The following LONP1 variants were observed in gnomAD, a reference collection of about 807,000 sequenced individuals.
The protein encoded by LONP1 is lon peptidase 1, mitochondrial, also known as lon protease homolog, mitochondrial.
A neutral mutation model predicts 98.5 loss-of-function variants in LONP1; 31 were observed. That is an observed-to-expected ratio of 0.31 (90% CI 0.24 to 0.42). LONP1 has a LOEUF of 0.42. Among genes scored for constraint, LONP1 ranks in the 20% least tolerant of loss-of-function variants. The pLI, the probability that LONP1 is intolerant of heterozygous loss-of-function variation, is 1.00. For synonymous variants in LONP1, 781 were observed against 594.7 expected (o/e 1.31, Z -4.56); for missense variants, 1,336 against 1,350.6 (o/e 0.99, Z 0.17).
chr19:5,702,293 C>A (rs1357616470), intron 8 of LONP1, among the ~76,000 whole-genome samples: 1 of 141,254 alleles, frequency 7.1e-6, no homozygotes, highest in Admixed American at 7.2e-5. Flanking sequence ...CTGCCCCATC[C>A]GGGAGGGAGG....
Position 5,705,903 on chromosome 19 carries a change from G to T in LONP1, c.1236C>A (p.Asp412Glu), listed in dbSNP as rs191905167. ...IIKKELGLEK[D>E]DKDAIEEKFR... ...ACTTCTCCTCGATGGCATCCTTGTC[G>T]TCCTTCTCCAGGCCCAGCTCCTTCT... The change falls in exon 8 of 18, where the codon GAC (aspartate) becomes GAA (glutamate). Residue 412 changes from aspartate (D) to glutamate (E), a missense_variant. Around this residue, in one of 5 missense-constraint regions of LONP1, gnomAD observed 219 missense variants for 241.0 expected, o/e 0.91. Transcript: ENST00000360614. 6.2e-7 allele frequency: 1 copy of T among 1,614,074 alleles called. No homozygotes were observed. Among genetic ancestry groups the T allele is most frequent in the South Asian group, 1.1e-5 (1 of 91,084 alleles).
chr19:5,706,711 A>G (rs2055151436), intron 7 of LONP1, among the ~76,000 whole-genome samples: 1 of 152,176 alleles, frequency 6.6e-6, no homozygotes, highest in Admixed American at 6.5e-5. Flanking sequence ...GCTGGGTCTT[A>G]AGAAACAGCA....
chr19:5,697,876 GTC>G (rs974933571), intron 10 of LONP1, among the ~76,000 whole-genome samples: 7 of 152,116 alleles, frequency 4.6e-5, no homozygotes, highest in African/African-American at 9.6e-5. Flanking sequence ...CCCCGCCAGG[GTC>G]TCTCCTCCGG....
chr19:5,691,976 T>TCAGTTCTGGCCCAGACAGGGCCTGACCTC lies in LONP1; in HGVS notation c.*55_*56insGAGGTCAGGCCCTGTCTGGGCCAGAACTG. ...GGTCCGGGCGCGCTCCCCACAGCGC[T>TCAGTTCTGGCCCAGACAGGGCCTGACCTC]CAGTTCTGGCCCAGACAGGGCCTGA... On this transcript the variant is annotated 3_prime_UTR_variant, in exon 18 of 18. Transcript: ENST00000360614. 6.5e-7 allele frequency: 1 copy of TCAGTTCTGGCCCAGACAGGGCCTGACCTC among 1,536,484 alleles called. No homozygotes were observed. Among genetic ancestry groups the TCAGTTCTGGCCCAGACAGGGCCTGACCTC allele is most frequent in the Admixed American group, 1.9e-5 (1 of 52,598 alleles).
intron 10 of LONP1, among the ~76,000 whole-genome samples, chr19:5,698,685 T>G (rs1030701180): frequency 6.6e-6 from 1 of 152,178 alleles, no homozygotes. Flanking sequence ...ACAGCCCACA[T>G]AGACCAGCAT....
intron 6 of LONP1, 28 bp downstream of exon 6, chr19:5,707,669 G>T: frequency 6.3e-7 from 1 of 1,594,214 alleles, no homozygotes; most frequent in Non-Finnish European, 8.6e-7. Context: ...GCCAGGCGTG[G>T]GGGGCTGTGG....
rs55653659 is a variant in LONP1, at chr19:5,696,497, G to A, written c.1774-126C>T. On this transcript the variant is annotated intron_variant, in intron 11 of 17. Coordinates refer to ENST00000360614, the MANE Select transcript of LONP1 (RefSeq NM_004793.4). Reference sequence around the variant, plus strand: ...GCGGCACCCACACCCTGCCTTGGACGGGCAGCCTGCTGGGCGTGGCTGTGG... The same window carrying A: ...GCGGCACCCACACCCTGCCTTGGACAGGCAGCCTGCTGGGCGTGGCTGTGG... 7,142 of 1,390,430 alleles carry A rather than the reference G, an allele frequency of 5.1e-3. 19 individuals are homozygous for A. The highest frequency in any genetic ancestry group is 6.0e-3 in the Non-Finnish European group (6,128 of 1,019,462). The allele number at this position is 1,390,430 out of a possible 1,614,324, so 86.1% of individuals were successfully genotyped here. A position where few individuals can be genotyped will look rare whatever the true frequency, so the allele number is the denominator to read the frequency against.
intron 6 of LONP1, 106 bp from the exon 7 acceptor site, chr19:5,707,249 C>T (rs2055161140): frequency 5.8e-6 from 5 of 858,420 alleles, no homozygotes; most frequent in Non-Finnish European, 9.5e-6. Flanking sequence ...GCCGGGAGGA[C>T]CTGGCCATGC....
upstream of LONP1, chr19:5,720,218 C>T (rs112324623): frequency 2.9e-3 from 3,968 of 1,382,870 alleles, 10 homozygotes; most frequent in Non-Finnish European, 3.0e-3. Context: ...TGCCTCGGTA[C>T]CCGATGGGCG....
At chr19:5,713,502 A>T (rs1568327276) in intron 2 of LONP1, among the ~76,000 whole-genome samples, 1 of 152,240 alleles carries the variant, frequency 6.6e-6, no homozygotes, top group Non-Finnish European at 1.5e-5. Flanking sequence ...GACATGGTCC[A>T]GGTGGGACTT....
Position 5,700,744 on chromosome 19 carries a change from G to A in LONP1, c.1506+45C>T, listed in dbSNP as rs200001223. ...CACAGCACACAAGAGTCCTGGGCCCGGGCACCCACATGCAAATCCACAACA... is the reference window on the plus strand; with the variant it reads ...CACAGCACACAAGAGTCCTGGGCCCAGGCACCCACATGCAAATCCACAACA... On this transcript the variant is annotated intron_variant, in intron 9 of 17. Transcript: ENST00000360614. The A allele has an allele frequency of 2.0e-3, 3,282 of 1,609,140 alleles. 10 individuals are homozygous for A. The highest frequency in any genetic ancestry group is 0.013 in the Middle Eastern group (77 of 5,986).
chr19:5,713,476 C>T (rs987586265), intron 2 of LONP1, among the ~76,000 whole-genome samples: 1 of 152,208 alleles, frequency 6.6e-6, no homozygotes, highest in Non-Finnish European at 1.5e-5. Context: ...TGGCTCCTCG[C>T]TAAGTCAGCC....
chr19:5,708,520 G>A (rs1257665520), intron 4 of LONP1, 117 bp from the exon 5 acceptor site: 12 of 426,028 alleles, frequency 2.8e-5, no homozygotes, highest in South Asian at 7.5e-5. Flanking sequence ...CCTCCCCTCC[G>A]CCAACTGGCC....
intron 8 of LONP1, among the ~76,000 whole-genome samples, chr19:5,701,622 T>C (rs2055045317): frequency 1.3e-5 from 2 of 152,332 alleles, no homozygotes; most frequent in Middle Eastern, 3.4e-3. Context: ...CGGAGTCTCG[T>C]TCACTCAGTG....
At chr19:5,697,651 G>C (rs1288135575) in intron 10 of LONP1, among the ~76,000 whole-genome samples, 1 of 150,404 alleles carries the variant, frequency 6.6e-6, no homozygotes, top group Non-Finnish European at 1.5e-5. Flanking sequence ...GTGAGAACTT[G>C]GGCTTTGACC....
chr19:5,720,438 C>G (rs1427952340), upstream of LONP1: 1 of 588,878 alleles, frequency 1.7e-6, no homozygotes, highest in Admixed American at 3.2e-5. Flanking sequence ...TCATGAGCAG[C>G]CTGTGCACAT....
At chr19:5,720,236 C>G (rs1036969057), upstream of LONP1, 3 of 1,365,900 alleles carry the variant, frequency 2.2e-6, no homozygotes, top group African/African-American at 1.5e-5. Context: ...GCGCGTGGCT[C>G]GAAACAGCCG....
chr19:5,716,256 A>G (rs1669871765), intron 1 of LONP1, among the ~76,000 whole-genome samples: 1 of 84,914 alleles, frequency 1.2e-5, no homozygotes, highest in Non-Finnish European at 2.2e-5. Flanking sequence ...AAGTTAAAAT[A>G]TACATATATA....
At chr19:5,703,450 C>T (rs1393001388) in intron 8 of LONP1, among the ~76,000 whole-genome samples, 1 of 151,958 alleles carries the variant, frequency 6.6e-6, no homozygotes, top group Non-Finnish European at 1.5e-5. Flanking sequence ...TATTGGTCCC[C>T]AAGTTGGGAG....
Sources: gnomAD v4.1 joint callset for allele counts (sites outside exome capture counted in the v4.1 genomes callset) on GRCh38, gnomAD v4.1.1 for gene constraint, gnomAD v4.1.1 regional missense constraint, MANE v1.5 for transcripts, NCBI Gene and HGNC (gene_info 2026-07-23, HGNC 2026-07-21) for gene names.